DCC: variants seen among roughly 807,000 people sequenced by gnomAD.
DCC encodes the protein netrin receptor DCC.
DCC carries 58 observed loss-of-function variants against 172.5 expected under a neutral mutation model. That is an observed-to-expected ratio of 0.34 (90% CI 0.27 to 0.42). The LOEUF (loss-of-function observed/expected upper bound fraction) is 0.42. Ranked by LOEUF, DCC falls within the 10% of genes least tolerant of loss-of-function variation. The pLI is 1.00. For missense variants in DCC, 1,740 were observed against 1,791.0 expected, an observed-to-expected ratio of 0.97 and a Z score of 0.51; for synonymous variants, 709 against 644.5, an observed-to-expected ratio of 1.10 and a Z score of -1.52.
intron 27 of DCC, among the ~76,000 whole-genome samples, chr18:53,512,003 T>G (rs2144538194): frequency 6.6e-6 from 1 of 152,294 alleles, no homozygotes; most frequent in South Asian, 2.1e-4. Flanking sequence ...AGGCTCCACC[T>G]CTGGGGGCAG....
intron 5 of DCC, among the ~76,000 whole-genome samples, chr18:53,012,439 A>G (rs1022437462): frequency 2.0e-5 from 3 of 152,054 alleles, no homozygotes; most frequent in African/African-American, 7.2e-5. Flanking sequence ...CTCTAAAAAT[A>G]TATTTAAGTG....
At chr18:52,351,987 G>A (rs923487524) in intron 1 of DCC, among the ~76,000 whole-genome samples, 2 of 152,068 alleles carry the variant, frequency 1.3e-5, no homozygotes, top group African/African-American at 2.4e-5. Flanking sequence ...CTTTGGTCTC[G>A]ATAAGAGGGG....
intron 28 of DCC, 95 bp from the exon 29 acceptor site, chr18:53,530,469 G>A: frequency 1.3e-6 from 1 of 792,386 alleles, no homozygotes; most frequent in South Asian, 1.3e-5. Context: ...TCAGACTTGG[G>A]AATACGTAGC....
At chr18:53,056,356 G>A (rs1021031000) in intron 5 of DCC, among the ~76,000 whole-genome samples, 1 of 152,018 alleles carries the variant, frequency 6.6e-6, no homozygotes, top group Non-Finnish European at 1.5e-5. Flanking sequence ...CTCAACACAC[G>A]GGGATTACAA....
chr18:52,564,731 A>C (rs2033116955), intron 1 of DCC, among the ~76,000 whole-genome samples: 1 of 151,938 alleles, frequency 6.6e-6, no homozygotes. Context: ...CACTTAAGTA[A>C]AATTTACCTG....
chr18:52,728,933 A>T (rs1411272256), intron 1 of DCC, among the ~76,000 whole-genome samples: 1 of 152,170 alleles, frequency 6.6e-6, no homozygotes, highest in Admixed American at 6.5e-5. Flanking sequence ...TGGAGAAGTG[A>T]TTAGAAATAT....
intron 12 of DCC, among the ~76,000 whole-genome samples, chr18:53,230,287 CA>C (rs2056101853): frequency 6.6e-6 from 1 of 151,986 alleles, no homozygotes; most frequent in African/African-American, 2.4e-5. Context: ...GATATACCCC[CA>C]AAGTAGAAGA....
chr18:52,648,731 A>G (rs1426645247), intron 1 of DCC, among the ~76,000 whole-genome samples: 1 of 152,208 alleles, frequency 6.6e-6, no homozygotes, highest in African/African-American at 2.4e-5. Flanking sequence ...ATAAGAAAAA[A>G]TAAACTTGAA....
At chr18:52,593,026 T>C (rs926999047) in intron 1 of DCC, among the ~76,000 whole-genome samples, 33 of 152,300 alleles carry the variant, frequency 2.2e-4, no homozygotes, top group African/African-American at 6.7e-4. Flanking sequence ...ATATCTAGGA[T>C]TGGCCCTTTA....
chr18:53,029,993 C>T (rs149482235), intron 5 of DCC, among the ~76,000 whole-genome samples: 159 of 152,306 alleles, frequency 1.0e-3, no homozygotes, highest in African/African-American at 3.2e-3. Flanking sequence ...TCAGATTCTA[C>T]CGTCTTCTCA....
chr18:53,193,126 C>T (rs1232066477), intron 9 of DCC, among the ~76,000 whole-genome samples: 2 of 152,100 alleles, frequency 1.3e-5, no homozygotes, highest in Non-Finnish European at 2.9e-5. Flanking sequence ...CATCTGTGCC[C>T]CTTCAATTCA....
At chr18:53,108,464 T>A (rs1215664196) in intron 7 of DCC, among the ~76,000 whole-genome samples, 2 of 151,876 alleles carry the variant, frequency 1.3e-5, no homozygotes, top group Admixed American at 6.6e-5. Flanking sequence ...TTTGTTAGTA[T>A]AATGTAATTT....
intron 1 of DCC, among the ~76,000 whole-genome samples, chr18:52,474,903 C>G (rs939463513): frequency 6.6e-6 from 1 of 152,156 alleles, no homozygotes; most frequent in Non-Finnish European, 1.5e-5. Context: ...TGGACTTTAC[C>G]ATTTGGTCTT....
intron 3 of DCC, among the ~76,000 whole-genome samples, chr18:52,917,254 G>A (rs1049521546): frequency 6.6e-6 from 1 of 151,942 alleles, no homozygotes; most frequent in Non-Finnish European, 1.5e-5. Context: ...GGGAGGTGGA[G>A]GTTGCAGTGA....
At chr18:52,672,097 A>G (rs1233139894) in intron 1 of DCC, among the ~76,000 whole-genome samples, 1 of 152,174 alleles carries the variant, frequency 6.6e-6, no homozygotes, top group Admixed American at 6.5e-5. Context: ...ATTAACCTCT[A>G]TGTACAAAAA....
At chr18:52,706,203 A>G (rs1018661534) in intron 1 of DCC, among the ~76,000 whole-genome samples, 4 of 152,134 alleles carry the variant, frequency 2.6e-5, no homozygotes, top group African/African-American at 9.6e-5. Flanking sequence ...TAAAAAAAAG[A>G]ACTCATTGAA....
intron 2 of DCC, among the ~76,000 whole-genome samples, chr18:52,783,245 G>A (rs114083506): frequency 0.054 from 7,944 of 147,448 alleles, 285 homozygotes; most frequent in South Asian, 0.16. Flanking sequence ...TCTTAAAAGT[G>A]GTTTAACACC....
intron 1 of DCC, among the ~76,000 whole-genome samples, chr18:52,388,186 C>T (rs187224479): frequency 2.6e-5 from 4 of 151,960 alleles, no homozygotes; most frequent in African/African-American, 7.2e-5. Context: ...TTAGGTGTGA[C>T]GTTCAACTTC....
At chr18:52,785,557 C>T (rs2037640802) in intron 2 of DCC, among the ~76,000 whole-genome samples, 1 of 151,968 alleles carries the variant, frequency 6.6e-6, no homozygotes, top group Non-Finnish European at 1.5e-5. Flanking sequence ...GCTAGGGCTC[C>T]TCCTGGGGTC....
Sources: allele counts gnomAD v4.1 joint callset (sites outside exome capture counted in the v4.1 genomes callset), GRCh38; gene constraint gnomAD v4.1.1; transcripts MANE v1.5; gene names NCBI Gene and HGNC (gene_info 2026-07-23, HGNC 2026-07-21).